Variants in UGT1A7 observed in about 807,000 individuals in gnomAD.
UGT1A7 encodes UDP glucuronosyltransferase family 1 member A7.
Under a neutral mutation model 45.6 loss-of-function variants are expected in UGT1A7, and 33 were observed. The ratio of observed to expected loss-of-function variants is 0.72; its 90% CI spans 0.55 to 0.97. The LOEUF is 0.97. UGT1A7 is among the 50% of genes least tolerant of loss of function. UGT1A7 has a pLI of 0.00. For missense variants in UGT1A7, 684 were observed against 666.2 expected (o/e 1.03, Z -0.29); for synonymous variants, 274 against 250.6 (o/e 1.09, Z -0.88).
intron 1 of UGT1A7, chr2:233,744,085 T>A: frequency 2.3e-6 from 1 of 436,802 alleles, no homozygotes; most frequent in Non-Finnish European, 3.9e-6. Flanking sequence ...CATCCCAAGA[T>A]GCAGTGCTTC....
intron 1 of UGT1A7, among the ~76,000 whole-genome samples, chr2:233,766,326 C>A (rs192391946): frequency 2.6e-5 from 4 of 152,238 alleles, no homozygotes; most frequent in Non-Finnish European, 4.4e-5. Flanking sequence ...CCAAACTCCG[C>A]GTTGTTCTGC....
chr2:233,716,408 C>T (rs2076503557), intron 1 of UGT1A7, among the ~76,000 whole-genome samples: 2 of 152,112 alleles, frequency 1.3e-5, no homozygotes, highest in South Asian at 4.1e-4. Flanking sequence ...AAAGTGAAAC[C>T]CACATCTTAT....
At chr2:233,708,525 G>A (rs2076022371) in intron 1 of UGT1A7, 1 of 152,220 alleles carries the variant, frequency 6.6e-6, no homozygotes, top group African/African-American at 2.4e-5. Context: ...GCCGAAGCAG[G>A]AGGATAGCTT....
intron 1 of UGT1A7, chr2:233,718,701 G>T: frequency 6.3e-7 from 1 of 1,599,658 alleles, no homozygotes; most frequent in Non-Finnish European, 8.5e-7. Context: ...AGGGCACTTT[G>T]TCTTCCAATT....
rs549717724 is a variant in UGT1A7 at position 233,729,172 on chromosome 2, C to T, written c.856-37862C>T. 1.0e-4 allele frequency: 161 copies of T among 1,613,762 alleles called. No homozygotes were observed. In the East Asian group the frequency reaches 3.5e-3, roughly 35 times the overall value. ...TCCCCTGCCGTGGCTGGCCACAGGA[C>T]TGCTGCTTCTCCTCAGTGTCCAGCC... On this transcript the variant is annotated intron_variant, in intron 1 of 4. Coordinates refer to ENST00000373426, the MANE Select transcript of UGT1A7 (RefSeq NM_019077.3).
chr2:233,766,968 C>G, intron 1 of UGT1A7, 66 bp from the exon 2 acceptor site: 2 of 1,609,596 alleles, frequency 1.2e-6, no homozygotes, highest in Non-Finnish European at 1.7e-6. Context: ...TAATTCATAA[C>G]TTACTGTATG....
intron 1 of UGT1A7, chr2:233,692,753 T>C: frequency 8.8e-7 from 1 of 1,135,016 alleles, no homozygotes; most frequent in African/African-American, 1.6e-5. Flanking sequence ...AGCAGACTTG[T>C]GGAGCTGAAG....
intron 1 of UGT1A7, among the ~76,000 whole-genome samples, chr2:233,749,475 A>G (rs1280594340): frequency 1.3e-5 from 2 of 151,882 alleles, no homozygotes; most frequent in Non-Finnish European, 2.9e-5. Flanking sequence ...TGTGGCACAG[A>G]TCACTCTTGC....
At chr2:233,760,414 AT>A in intron 1 of UGT1A7, 1 of 1,614,212 alleles carries the variant, frequency 6.2e-7, no homozygotes, top group Non-Finnish European at 8.5e-7. Flanking sequence ...CTGGCTGAGC[AT>A]GCTTGGGGCC....
At chr2:233,706,642 G>C (rs1025573641) in intron 1 of UGT1A7, among the ~76,000 whole-genome samples, 2 of 152,160 alleles carry the variant, frequency 1.3e-5, no homozygotes, top group African/African-American at 4.8e-5. Context: ...TACTGTGTCT[G>C]TGCCCCATCA....
chr2:233,750,746 T>G (rs1207151817), intron 1 of UGT1A7: 2 of 151,906 alleles, frequency 1.3e-5, no homozygotes, highest in Admixed American at 1.3e-4. Context: ...ACCTCAAGCC[T>G]TGGCAGCATC....
At chr2:233,731,784 G>T (rs186887277) in intron 1 of UGT1A7, among the ~76,000 whole-genome samples, 1 of 152,042 alleles carries the variant, frequency 6.6e-6, no homozygotes, top group Non-Finnish European at 1.5e-5. Context: ...ATTTATAATC[G>T]TTTGGGTATA....
At chr2:233,690,635 G>A in intron 1 of UGT1A7, 1 of 1,288,442 alleles carries the variant, frequency 7.8e-7, no homozygotes, top group Non-Finnish European at 1.0e-6. Context: ...TGATACCTGA[G>A]GACACCTTGA....
intron 1 of UGT1A7, among the ~76,000 whole-genome samples, chr2:233,695,937 TCTGCCAGATACCAG>T (rs1024121397): frequency 2.2e-4 from 34 of 152,244 alleles, no homozygotes; most frequent in Middle Eastern, 3.4e-3. Context: ...AGCAGGCAAT[TCTGCCAGATACCAG>T]CTGGGTGTCC....
At chr2:233,754,942 A>T in intron 1 of UGT1A7, 4 of 1,333,346 alleles carry the variant, frequency 3.0e-6, no homozygotes, top group Non-Finnish European at 4.0e-6. Flanking sequence ...TCAAAGGAGA[A>T]TGGGTCCCGG....
At chr2:233,766,162 G>A (rs1699058269) in intron 1 of UGT1A7, among the ~76,000 whole-genome samples, 1 of 152,198 alleles carries the variant, frequency 6.6e-6, no homozygotes, top group Non-Finnish European at 1.5e-5. Context: ...TGGAGAATGA[G>A]TGCAAGGATT....
chr2:233,706,179 C>A (rs2075892284), intron 1 of UGT1A7, among the ~76,000 whole-genome samples: 1 of 152,216 alleles, frequency 6.6e-6, no homozygotes, highest in Non-Finnish European at 1.5e-5. Flanking sequence ...TGTGGTGTGT[C>A]TGCCCAGGCT....
At chr2:233,756,026 C>T (rs573577160) in intron 1 of UGT1A7, 1 of 152,204 alleles carries the variant, frequency 6.6e-6, no homozygotes, top group Non-Finnish European at 1.5e-5. Context: ...TACACATCCC[C>T]CATGTAGCTT....
chr2:233,748,945 A>T (rs1040839145), intron 1 of UGT1A7, among the ~76,000 whole-genome samples: 1 of 151,666 alleles, frequency 6.6e-6, no homozygotes, highest in Non-Finnish European at 1.5e-5. Context: ...AACCCACCCT[A>T]TCCCACTCCA....
Sources: allele counts gnomAD v4.1 joint callset (sites outside exome capture counted in the v4.1 genomes callset), GRCh38; gene constraint gnomAD v4.1.1; transcripts MANE v1.5; gene names NCBI Gene and HGNC (gene_info 2026-07-23, HGNC 2026-07-21).